The following CNST variants were observed in gnomAD, a reference collection of about 807,000 sequenced individuals.
CNST encodes the protein consortin.
CNST carries 39 observed loss-of-function variants against 72.4 expected under a neutral mutation model. The observed-to-expected ratio is 0.54, with a 90% CI of 0.42 to 0.70. The LOEUF (loss-of-function observed/expected upper bound fraction) is 0.70. Among genes scored for constraint, CNST ranks in the 30% least tolerant of loss-of-function variants. CNST has a pLI of 0.00. For missense variants in CNST, 871 were observed against 868.5 expected (o/e 1.00, Z -0.04); for synonymous variants, 332 against 320.1 (o/e 1.04, Z -0.40).
chr1:246,584,515 C>T (rs747461922), intron 1 of CNST, among the ~76,000 whole-genome samples: 3 of 152,088 alleles, frequency 2.0e-5, no homozygotes, highest in East Asian at 1.9e-4. Context: ...AAAATTCCAG[C>T]GTAGGTATCA....
chr1:246,660,352 G>C lies in CNST; in HGVS notation c.1972+18G>C. On this transcript the variant is annotated intron_variant, in intron 10 of 10. Coordinates refer to ENST00000366513, the MANE Select transcript of CNST (RefSeq NM_152609.3). ...GGATCAAGGTAAACCGCTTGGCACT[G>C]TGGCTAGCAGGATAGATGCTCAGTG... is the stretch of plus-strand genomic sequence containing the variant. 6.2e-7 allele frequency: 1 copy of C among 1,607,034 alleles called. No homozygotes were observed. Among genetic ancestry groups the C allele is most frequent in the Non-Finnish European group, 8.5e-7 (1 of 1,177,790 alleles).
At chr1:246,652,075 A>G (rs946524362) in intron 9 of CNST, among the ~76,000 whole-genome samples, 1 of 152,174 alleles carries the variant, frequency 6.6e-6, no homozygotes, top group Non-Finnish European at 1.5e-5. Flanking sequence ...GTTTTTGGCA[A>G]AGGATGAAAT....
At chr1:246,664,465 G>T (rs933745466) in intron 10 of CNST, among the ~76,000 whole-genome samples, 2 of 150,642 alleles carry the variant, frequency 1.3e-5, no homozygotes, top group Non-Finnish European at 3.0e-5. Flanking sequence ...CTCGCCCTGT[G>T]GCCCAGGCTG....
At chr1:246,627,817 T>C (rs1664534075) in intron 3 of CNST, among the ~76,000 whole-genome samples, 1 of 150,936 alleles carries the variant, frequency 6.6e-6, no homozygotes, top group Admixed American at 6.6e-5. Context: ...TGTGAGATCT[T>C]TGGAAGGAAG....
chr1:246,660,647 C>T (rs1385632781), intron 10 of CNST, among the ~76,000 whole-genome samples: 2 of 152,166 alleles, frequency 1.3e-5, no homozygotes, highest in Non-Finnish European at 2.9e-5. Flanking sequence ...ATCGCTTGAA[C>T]CCGGGAGACA....
Position 246,666,811 on chromosome 1 carries a change from TTAAG to T in CNST, c.*911_*914del, listed in dbSNP as rs1667406808. The T allele has an allele frequency of 6.6e-6, 1 of 152,222 alleles. No individual in the cohort carries two copies. Among genetic ancestry groups the T allele is most frequent in the Non-Finnish European group, 1.5e-5 (1 of 68,046 alleles). The allele number at this position is 152,222 out of a possible 1,614,324, so 9.4% of individuals were successfully genotyped here. On this transcript the variant is annotated 3_prime_UTR_variant, in exon 11 of 11. Coordinates refer to ENST00000366513, the MANE Select transcript of CNST (RefSeq NM_152609.3). Reference sequence around the variant, plus strand: ...AGATTCTGAGAACCAGAATGCAAACTTAAGTAAGATACAGTTCCCACTGTAGGTG... The same window carrying T: ...AGATTCTGAGAACCAGAATGCAAACTTAAGATACAGTTCCCACTGTAGGTG...
intron 2 of CNST, among the ~76,000 whole-genome samples, chr1:246,598,106 C>T (rs576422159): frequency 2.2e-4 from 33 of 152,068 alleles, no homozygotes; most frequent in African/African-American, 7.7e-4. Flanking sequence ...CTCAGCCTCC[C>T]AAGTAGCTGG....
At chr1:246,572,595 C>T (rs1262186079) in intron 1 of CNST, among the ~76,000 whole-genome samples, 1 of 152,308 alleles carries the variant, frequency 6.6e-6, no homozygotes, top group South Asian at 2.1e-4. Context: ...AAGTGATCCT[C>T]CTGCCTTGAC....
At chr1:246,574,434 A>G (rs983980207) in intron 1 of CNST, among the ~76,000 whole-genome samples, 1 of 152,034 alleles carries the variant, frequency 6.6e-6, no homozygotes, top group Non-Finnish European at 1.5e-5. Context: ...TTTAAAAAAA[A>G]TTTTTTTTAG....
At chr1:246,631,361 C>T (rs1257947344) in intron 3 of CNST, among the ~76,000 whole-genome samples, 2 of 152,088 alleles carry the variant, frequency 1.3e-5, no homozygotes, top group African/African-American at 2.4e-5. Flanking sequence ...CAGACCAGAC[C>T]AAAAAGTCAG....
chr1:246,568,223 T>C (rs938838891), intron 1 of CNST, among the ~76,000 whole-genome samples: 7 of 152,238 alleles, frequency 4.6e-5, no homozygotes, highest in Admixed American at 1.3e-4. Context: ...CACTGTCTTA[T>C]TTCATAATGT....
Position 246,595,823 on chromosome 1 carries a change from T to C in CNST, c.379+3882T>C, listed in dbSNP as rs1661838164. 2.0e-5 allele frequency among the ~76,000 whole-genome samples: 3 copies of C among 152,006 alleles called. No individual in the cohort carries two copies. In the South Asian group the frequency reaches 6.2e-4, roughly 32 times the overall value. On this transcript the variant is annotated intron_variant, in intron 2 of 10. Transcript: ENST00000366513. ...ATTCACTCTATGCTCCCTTGTCTAG[T>C]TTAATTTGTAGTCATTTTTCAATTA...
At chr1:246,597,946 T>G (rs548355201) in intron 2 of CNST, among the ~76,000 whole-genome samples, 1 of 150,356 alleles carries the variant, frequency 6.7e-6, no homozygotes, top group Admixed American at 6.7e-5. Flanking sequence ...AAATGGTAGT[T>G]GTTGTGTTTA....
chr1:246,659,553 C>T (rs1572256067), intron 9 of CNST, among the ~76,000 whole-genome samples: 1 of 151,832 alleles, frequency 6.6e-6, no homozygotes, highest in Non-Finnish European at 1.5e-5. Context: ...CGAGATCGCG[C>T]CACTGCACTC....
intron 10 of CNST, among the ~76,000 whole-genome samples, chr1:246,661,235 C>T (rs1667088671): frequency 6.6e-6 from 1 of 152,072 alleles, no homozygotes; most frequent in African/African-American, 2.4e-5. Context: ...CTTGGCCTCC[C>T]AAAGTGCTAG....
At chr1:246,587,327 T>C (rs10802428) in intron 1 of CNST, among the ~76,000 whole-genome samples, 34,380 of 152,244 alleles carry the variant, frequency 0.23, 4,996 homozygotes, top group Middle Eastern at 0.36. Context: ...AAGGTTCTAA[T>C]AAATTATTTG....
chr1:246,567,525 A>G (rs951112078), intron 1 of CNST, among the ~76,000 whole-genome samples: 1 of 152,146 alleles, frequency 6.6e-6, no homozygotes, highest in Non-Finnish European at 1.5e-5. Context: ...TGCTTACTCT[A>G]CTGAGAGTGT....
At chr1:246,607,202 C>T (rs1354836147) in intron 2 of CNST, 3 of 151,612 alleles carry the variant, frequency 2.0e-5, no homozygotes, top group Admixed American at 6.6e-5. Context: ...GTGTCCAGGT[C>T]GACGGGCGTT....
At chr1:246,661,041 G>T (rs1667074913) in intron 10 of CNST, among the ~76,000 whole-genome samples, 1 of 151,716 alleles carries the variant, frequency 6.6e-6, no homozygotes, top group South Asian at 2.1e-4. Context: ...GCAAATCACT[G>T]CAACCTCAAC....
Sources: allele counts gnomAD v4.1 joint callset (sites outside exome capture counted in the v4.1 genomes callset), GRCh38; gene constraint gnomAD v4.1.1; transcripts MANE v1.5; gene names NCBI Gene and HGNC (gene_info 2026-07-23, HGNC 2026-07-21).